The following PRIMA1 variants were observed in gnomAD, a reference collection of about 807,000 sequenced individuals.
PRIMA1 encodes proline-rich membrane anchor 1.
Under a neutral mutation model 17.5 loss-of-function variants are expected in PRIMA1, and 7 were observed. That is an observed-to-expected ratio of 0.40 (90% CI 0.23 to 0.75). The LOEUF is 0.75. Among genes scored for constraint, PRIMA1 ranks in the 30% least tolerant of loss-of-function variants. The pLI, the probability that PRIMA1 is intolerant of heterozygous loss-of-function variation, is 0.37. For missense variants in PRIMA1, 200 were observed against 201.8 expected (o/e 0.99, Z 0.05); for synonymous variants, 97 against 77.9 (o/e 1.25, Z -1.29).
intron 3 of PRIMA1, among the ~76,000 whole-genome samples, chr14:93,740,532 G>A (rs189553786): frequency 5.9e-5 from 9 of 152,206 alleles, no homozygotes; most frequent in Non-Finnish European, 8.8e-5. Flanking sequence ...AAGCAATTTT[G>A]GTTTCCATGG....
At position 93,768,617 on chromosome 14, in the gene PRIMA1, C is replaced by T. The variant is rs1340088124; in HGVS notation, c.229+10559G>A. The stretch of plus-strand genomic sequence containing the variant: ...TCACCTTTGTAGTTCCAGAACTTGC[C>T]ATGGCACAACCTTGGTAAATGTTCA... On this transcript the variant is annotated intron_variant, in intron 3 of 4. Transcript: ENST00000393140. Among the ~76,000 whole-genome samples the T allele has an allele frequency of 3.3e-5, 5 of 152,108 alleles. No individual in the cohort carries two copies. In the East Asian group the frequency reaches 9.6e-4, roughly 29 times the overall value.
At position 93,752,179 on chromosome 14, in the gene PRIMA1, T is replaced by G. The variant is rs144513142; in HGVS notation, c.230-14809A>C. On this transcript the variant is annotated intron_variant, in intron 3 of 4. Coordinates refer to ENST00000393140, the MANE Select transcript of PRIMA1 (RefSeq NM_178013.4). ...AGTGCTACCTACTTTCAAAGCACAT[T>G]TTCCTTAGATTCTTTTATTTGATTC... 7.1e-3 allele frequency among the ~76,000 whole-genome samples: 1,084 copies of G among 152,298 alleles called. 13 individuals are homozygous for G. The highest frequency in any genetic ancestry group is 0.025 in the African/African-American group (1,034 of 41,544).
intron 4 of PRIMA1, among the ~76,000 whole-genome samples, chr14:93,729,847 G>A (rs561616925): frequency 1.6e-4 from 24 of 152,096 alleles, no homozygotes; most frequent in Admixed American, 3.3e-4. Flanking sequence ...CTGAGTCAGG[G>A]TACATGCGTA....
At position 93,721,366 on chromosome 14, in the gene PRIMA1, C is replaced by G; in HGVS notation, c.*78G>C. On this transcript the variant is annotated 3_prime_UTR_variant, in exon 5 of 5. Coordinates refer to ENST00000393140, the MANE Select transcript of PRIMA1 (RefSeq NM_178013.4). The stretch of plus-strand genomic sequence containing the variant: ...AAGTCCTGGACAAGCTCAGGGTTAG[C>G]TCATGTCCACCTGCTTTCCCATGTC... 1.1e-6 allele frequency: 1 copy of G among 909,282 alleles called. No homozygotes were observed. The allele number at this position is 909,282 out of a possible 1,614,324, so 56.3% of individuals were successfully genotyped here.
intron 4 of PRIMA1, among the ~76,000 whole-genome samples, chr14:93,729,327 G>A (rs1489789682): frequency 6.6e-6 from 1 of 152,224 alleles, no homozygotes; most frequent in Non-Finnish European, 1.5e-5. Context: ...GTGATTCTGG[G>A]TTGGATTTGG....
intron 3 of PRIMA1, among the ~76,000 whole-genome samples, chr14:93,761,146 C>T (rs1884711438): frequency 2.6e-5 from 4 of 152,066 alleles, no homozygotes; most frequent in African/African-American, 9.6e-5. Context: ...AGGAGCTCGA[C>T]ATCAGTCTGG....
At chr14:93,751,605 C>A (rs1389783413) in intron 3 of PRIMA1, among the ~76,000 whole-genome samples, 3 of 152,190 alleles carry the variant, frequency 2.0e-5, no homozygotes, top group Non-Finnish European at 2.9e-5. Flanking sequence ...CTTCCCAGGA[C>A]CACCCTTTGC....
At chr14:93,778,605 A>G (rs1381897803) in intron 3 of PRIMA1, among the ~76,000 whole-genome samples, 1 of 152,266 alleles carries the variant, frequency 6.6e-6, no homozygotes, top group Non-Finnish European at 1.5e-5. Context: ...TTTACCATGT[A>G]GAGGTCAGGG....
chr14:93,769,482 T>C (rs1273689842), intron 3 of PRIMA1, among the ~76,000 whole-genome samples: 1 of 152,226 alleles, frequency 6.6e-6, no homozygotes, highest in African/African-American at 2.4e-5. Context: ...AACAGTGAGC[T>C]GGGCATGAAC....
At chr14:93,721,643 C>A (rs1595185536) in intron 4 of PRIMA1, 97 bp from the exon 5 acceptor site, 1 of 729,954 alleles carries the variant, frequency 1.4e-6, no homozygotes, top group African/African-American at 1.7e-5. Context: ...CAGCTAGCAT[C>A]CCTGCTCCGT....
rs2076017764 is a variant in PRIMA1, at chr14:93,718,531, A to C, written c.*2913T>G. ...CAGTACACGCGGCACGTTGCTAAGA[A>C]GGCAGATTTCAGGATATTCACATTC... is the stretch of plus-strand genomic sequence containing the variant. On this transcript the variant is annotated 3_prime_UTR_variant, in exon 5 of 5. Coordinates refer to ENST00000393140, the MANE Select transcript of PRIMA1 (RefSeq NM_178013.4). The C allele has an allele frequency of 6.6e-6, 1 of 152,592 alleles. No individual in the cohort carries two copies. Among genetic ancestry groups the C allele is most frequent in the Non-Finnish European group, 1.5e-5 (1 of 68,034 alleles). The allele number at this position is 152,592 out of a possible 1,614,324, so 9.5% of individuals were successfully genotyped here. A position where few individuals can be genotyped will look rare whatever the true frequency, so the allele number is the denominator to read the frequency against.
chr14:93,748,355 C>G lies in PRIMA1; in HGVS notation c.230-10985G>C, dbSNP rs535054788. 5.3e-5 allele frequency among the ~76,000 whole-genome samples: 8 copies of G among 152,278 alleles called. No homozygotes were observed. In the East Asian group the frequency reaches 1.5e-3, roughly 29 times the overall value. On this transcript the variant is annotated intron_variant, in intron 3 of 4. Coordinates refer to ENST00000393140, the MANE Select transcript of PRIMA1 (RefSeq NM_178013.4). ...CTGTGACGGCTGCATAGACACAAAG[C>G]AGGCAAGTCCCCGCATGTGACAAAC...
At chr14:93,771,481 A>G (rs1439463478) in intron 3 of PRIMA1, among the ~76,000 whole-genome samples, 4 of 152,142 alleles carry the variant, frequency 2.6e-5, no homozygotes, top group African/African-American at 7.2e-5. Context: ...TCTACAGCCA[A>G]TATTGACCAC....
chr14:93,729,454 C>A (rs1428738201), intron 4 of PRIMA1, among the ~76,000 whole-genome samples: 2 of 152,154 alleles, frequency 1.3e-5, no homozygotes, highest in Non-Finnish European at 2.9e-5. Flanking sequence ...CATGAGATAA[C>A]CCCCAGTCTC....
intron 2 of PRIMA1, among the ~76,000 whole-genome samples, chr14:93,780,436 T>C (rs577117666): frequency 2.6e-5 from 4 of 152,326 alleles, no homozygotes; most frequent in East Asian, 1.9e-4. Context: ...TTTTGGTGAA[T>C]GAATGAATGA....
intron 4 of PRIMA1, among the ~76,000 whole-genome samples, chr14:93,728,020 G>A (rs1202680393): frequency 2.0e-5 from 3 of 152,156 alleles, no homozygotes; most frequent in Admixed American, 1.3e-4. Flanking sequence ...GCACTGCTTC[G>A]GGGGCTCCTG....
rs1268989873 is a variant in PRIMA1 at position 93,726,610 on chromosome 14, TAA to T, written c.360-5066_360-5065del. On this transcript the variant is annotated intron_variant, in intron 4 of 4. Transcript: ENST00000393140. The surrounding 1 kb of genome is among the most constrained non-coding windows in gnomAD (Gnocchi z 4.2). ...ACATGTACGCAAACACACACATATA[TAA>T]TATACACATAGACACATGTACACAT... Among the ~76,000 whole-genome samples, 1 of 151,350 alleles carries T rather than the reference TAA, an allele frequency of 6.6e-6. No individual in the cohort carries two copies. Among genetic ancestry groups the T allele is most frequent in the Non-Finnish European group, 1.5e-5 (1 of 67,880 alleles).
intron 3 of PRIMA1, among the ~76,000 whole-genome samples, chr14:93,739,832 G>A (rs1401860636): frequency 1.3e-5 from 2 of 152,212 alleles, no homozygotes; most frequent in African/African-American, 2.4e-5. Flanking sequence ...TTGGGAGGCC[G>A]AGGAAGGTGG....
chr14:93,722,761 A>G (rs80168280), intron 4 of PRIMA1, among the ~76,000 whole-genome samples: 4 of 14,204 alleles, frequency 2.8e-4, no homozygotes, highest in African/African-American at 1.1e-3. Flanking sequence ...GATGGAGGTG[A>G]TGATGGCGGT....
Sources: allele counts gnomAD v4.1 joint callset (sites outside exome capture counted in the v4.1 genomes callset), GRCh38; gene constraint gnomAD v4.1.1; non-coding constraint Gnocchi (gnomAD v3.1); transcripts MANE v1.5; gene names NCBI Gene and HGNC (gene_info 2026-07-23, HGNC 2026-07-21).